GPAT3: variants seen among roughly 807,000 people sequenced by gnomAD.
GPAT3 encodes 1-AGP acyltransferase 9.
In GPAT3, 53 loss-of-function variants were observed where a neutral mutation model predicts 58.8. The observed-to-expected ratio is 0.90, with a 90% CI of 0.72 to 1.13. The LOEUF (loss-of-function observed/expected upper bound fraction) is 1.13, where lower values mean the gene tolerates loss of function less well. GPAT3 is among the 50% of genes most tolerant of loss of function. The pLI is 0.00. For synonymous variants in GPAT3, 197 were observed against 187.4 expected (o/e 1.05, Z -0.42); for missense variants, 511 against 527.6 (o/e 0.97, Z 0.31).
Position 83,549,444 on chromosome 4 carries a change from C to CAT in GPAT3, c.208+4842_208+4843insAT, listed in dbSNP as rs1553943576. ...GGTTGGGGCTTTCTTTTTTATTTTGCGTGTGTGTGTGTGTGTGTGTGTGTA... is the reference window on the plus strand; with the variant it reads ...GGTTGGGGCTTTCTTTTTTATTTTGCATGTGTGTGTGTGTGTGTGTGTGTGTA... On this transcript the variant is annotated intron_variant, in intron 2 of 11. Transcript: ENST00000264409. Among the ~76,000 whole-genome samples the CAT allele has an allele frequency of 6.9e-5, 10 of 145,808 alleles. No homozygotes were observed. In the East Asian group the frequency reaches 1.2e-3, roughly 17 times the overall value.
chr4:83,566,521 C>T (rs1307570367), intron 2 of GPAT3, among the ~76,000 whole-genome samples: 1 of 151,204 alleles, frequency 6.6e-6, no homozygotes, highest in Non-Finnish European at 1.5e-5. Flanking sequence ...ATCCACCCGT[C>T]TCAGCCTCCC....
chr4:83,545,666 A>G (rs1219653894), intron 2 of GPAT3, among the ~76,000 whole-genome samples: 2 of 152,190 alleles, frequency 1.3e-5, no homozygotes, highest in African/African-American at 4.8e-5. Flanking sequence ...CCCAAATATT[A>G]TCACCAATCA....
At chr4:83,603,881 T>C (rs1211887779) in intron 11 of GPAT3, among the ~76,000 whole-genome samples, 1 of 152,130 alleles carries the variant, frequency 6.6e-6, no homozygotes, top group African/African-American at 2.4e-5. Context: ...TGAATAATCA[T>C]TTATCTTTAA....
intron 2 of GPAT3, among the ~76,000 whole-genome samples, chr4:83,566,153 T>C (rs1725373190): frequency 6.6e-6 from 1 of 152,144 alleles, no homozygotes; most frequent in Admixed American, 6.5e-5. Context: ...CCCATGGCTG[T>C]CTCACACATG....
At chr4:83,587,390 C>A in intron 4 of GPAT3, 61 bp downstream of exon 4, 1 of 1,393,976 alleles carries the variant, frequency 7.2e-7, no homozygotes, top group Non-Finnish European at 1.0e-6. Context: ...GCTGTGTCCA[C>A]AAAGAGAATA....
At chr4:83,540,989 T>C (rs28422943) in intron 1 of GPAT3, among the ~76,000 whole-genome samples, 51,524 of 151,752 alleles carry the variant, frequency 0.34, 9,642 homozygotes, top group Middle Eastern at 0.5. Context: ...CATGCCTGGC[T>C]TTGTCCCTGT....
intron 2 of GPAT3, among the ~76,000 whole-genome samples, chr4:83,575,104 C>CT (rs1453072498): frequency 6.6e-6 from 1 of 151,964 alleles, no homozygotes; most frequent in African/African-American, 2.4e-5. Flanking sequence ...TCTCGATCTC[C>CT]TGACCTCGTG....
rs1243807973 is a variant in GPAT3, at chr4:83,562,224, TA to T, written c.208+17624del. ...AATATATATATATTATATATATATATAATATATATATAATATATATATATAA... is the reference window on the plus strand; with the variant it reads ...AATATATATATATTATATATATATATATATATATATAATATATATATATAA... On this transcript the variant is annotated intron_variant, in intron 2 of 11. Coordinates refer to ENST00000264409, the MANE Select transcript of GPAT3 (RefSeq NM_032717.5). Among the ~76,000 whole-genome samples, 505 of 62,874 alleles carry T rather than the reference TA, an allele frequency of 8.0e-3. 8 individuals carry two copies. The highest frequency in any genetic ancestry group is 0.031 in the African/African-American group (392 of 12,804). The allele number at this position is 62,874 out of a possible 152,430, so 41.2% of individuals were successfully genotyped here.
intron 1 of GPAT3, among the ~76,000 whole-genome samples, chr4:83,539,381 C>G (rs6815504): frequency 1.3e-5 from 2 of 151,982 alleles, no homozygotes; most frequent in African/African-American, 4.8e-5. Context: ...GGATATTTCT[C>G]AAGTTTCTTT....
At chr4:83,604,590 CA>C in intron 11 of GPAT3, 77 bp from the exon 12 acceptor site, 1 of 1,121,480 alleles carries the variant, frequency 8.9e-7, no homozygotes, top group Non-Finnish European at 1.3e-6. Context: ...TGGTATCATG[CA>C]GCATGTAATT....
chr4:83,562,225 A>ATATATAATATATATATATTATAT (rs1185063026), intron 2 of GPAT3, among the ~76,000 whole-genome samples: 1 of 61,400 alleles, frequency 1.6e-5, no homozygotes, highest in African/African-American at 7.8e-5. Flanking sequence ...ATATATATAT[A>ATATATAATATATATATATTATAT]ATATATATAT....
intron 3 of GPAT3, among the ~76,000 whole-genome samples, chr4:83,582,514 C>A (rs960029173): frequency 6.6e-6 from 1 of 152,162 alleles, no homozygotes; most frequent in Non-Finnish European, 1.5e-5. Flanking sequence ...ATCTGATTAG[C>A]GTGGTGGTAG....
intron 3 of GPAT3, among the ~76,000 whole-genome samples, chr4:83,582,264 G>GA (rs2110098644): frequency 1.3e-5 from 2 of 152,348 alleles, no homozygotes; most frequent in East Asian, 3.9e-4. Flanking sequence ...GCATAAGAGA[G>GA]AAAAAATTCT....
chr4:83,598,552 TTA>T, intron 10 of GPAT3, 90 bp from the exon 11 acceptor site: 1 of 1,094,150 alleles, frequency 9.1e-7, no homozygotes. Flanking sequence ...AATATGAATC[TTA>T]TATTTTAAAA....
At chr4:83,579,075 TTTCTTCCC>T (rs1361106179) in intron 2 of GPAT3, among the ~76,000 whole-genome samples, 1 of 19,838 alleles carries the variant, frequency 5.0e-5, no homozygotes, top group Non-Finnish European at 1.0e-4. Context: ...TCTTTCTTTC[TTTCTTCCC>T]TTCCTTCCTT....
chr4:83,549,106 G>A (rs745887542), intron 2 of GPAT3, among the ~76,000 whole-genome samples: 1 of 150,934 alleles, frequency 6.6e-6, no homozygotes, highest in Non-Finnish European at 1.5e-5. Context: ...ATACTTGAGA[G>A]GCTGAAGGGG....
At chr4:83,548,106 T>C (rs1487770730) in intron 2 of GPAT3, among the ~76,000 whole-genome samples, 4 of 152,204 alleles carry the variant, frequency 2.6e-5, no homozygotes, top group African/African-American at 9.6e-5. Flanking sequence ...ATAGTTACCC[T>C]TCTACCCTAG....
chr4:83,566,422 A>AT, intron 2 of GPAT3, among the ~76,000 whole-genome samples: 1 of 143,886 alleles, frequency 6.9e-6, no homozygotes, highest in African/African-American at 2.7e-5. Context: ...TAATTAATTT[A>AT]TTATTATTAT....
chr4:83,587,346 C>T lies in GPAT3; in HGVS notation c.554+17C>T. On this transcript the variant is annotated intron_variant, in intron 4 of 11. Transcript: ENST00000264409. ...AGACAGCAGGTGAAATGTTTCCTTC[C>T]ATCCAGCCATATATAGGACTGTCTT... 4 of 1,604,398 alleles carry T rather than the reference C, an allele frequency of 2.5e-6. No homozygotes were observed. Among genetic ancestry groups the T allele is most frequent in the South Asian group, 2.2e-5 (2 of 90,598 alleles).
Sources: allele counts gnomAD v4.1 joint callset (sites outside exome capture counted in the v4.1 genomes callset), GRCh38; gene constraint gnomAD v4.1.1; transcripts MANE v1.5; gene names NCBI Gene and HGNC (gene_info 2026-07-23, HGNC 2026-07-21).